Variants in DNAH14 observed in about 807,000 individuals in gnomAD.
DNAH14 encodes dynein axonemal heavy chain 14, also known as axonemal beta dynein heavy chain 14.
DNAH14 carries 478 observed loss-of-function variants against 520.9 expected under a neutral mutation model. The ratio of observed to expected loss-of-function variants is 0.92; its 90% CI spans 0.85 to 0.99. The LOEUF is 0.99. Ranked by LOEUF, DNAH14 falls within the 50% of genes least tolerant of loss-of-function variation. The pLI is 0.00. For missense variants in DNAH14, 4,831 were observed against 5,234.5 expected (o/e 0.92, Z 2.38); for synonymous variants, 1,581 against 1,757.2 (o/e 0.90, Z 2.51).
intron 17 of DNAH14, among the ~76,000 whole-genome samples, chr1:225,052,975 T>G (rs571514167): frequency 9.2e-5 from 14 of 152,194 alleles, no homozygotes; most frequent in Non-Finnish European, 1.9e-4. Context: ...GCTCATGCAC[T>G]GGTTATCATA....
chr1:225,051,765 A>C lies in DNAH14; in HGVS notation c.2394A>C (p.Val798=), dbSNP rs1258920155. The change falls in exon 17 of 86, where the codon GTA becomes GTC. Residue 798 remains valine (V), a synonymous_variant. Transcript: ENST00000682510. ...IHMSHTLIQS[V]IEKKNKNLLE... ...TGAGCCACACCCTCATACAATCTGT[A>C]ATTGAAAAAAAGAACAAAAATTTAT... 65 of 1,501,374 alleles carry C rather than the reference A, an allele frequency of 4.3e-5. No homozygotes were observed. Among genetic ancestry groups the C allele is most frequent in the Non-Finnish European group, 5.7e-5 (64 of 1,125,242 alleles). The allele number at this position is 1,501,374 out of a possible 1,614,324, so 93.0% of individuals were successfully genotyped here. A position where few individuals can be genotyped will look rare whatever the true frequency, so the allele number is the denominator to read the frequency against.
Position 225,030,704 on chromosome 1 carries a change from C to A in DNAH14, c.1358+6839C>A, listed in dbSNP as rs116188076. On this transcript the variant is annotated intron_variant, in intron 11 of 85. Transcript: ENST00000682510. ...ATTAAATATATTCATGAGTCTATTT[C>A]TGAATGCTTTTTTCTAGTCCAGTGA... 4.7e-3 allele frequency among the ~76,000 whole-genome samples: 715 copies of A among 152,000 alleles called. 3 individuals carry two copies. Among genetic ancestry groups the A allele is most frequent in the African/African-American group, 0.016 (671 of 41,514 alleles).
In DNAH14 at chr1:225,016,673, C is replaced by G. The variant is rs368860513; in HGVS notation, c.1108-6942C>G. On this transcript the variant is annotated intron_variant, in intron 10 of 85. Transcript: ENST00000682510. Reference sequence around the variant, plus strand: ...CTTCTCTTTCTGCAACAACCATAATCTGAATATTTGTCACTTAATGGTGTT... The same window carrying G: ...CTTCTCTTTCTGCAACAACCATAATGTGAATATTTGTCACTTAATGGTGTT... 7.8e-4 allele frequency among the ~76,000 whole-genome samples: 118 copies of G among 152,166 alleles called. No individual in the cohort carries two copies. In the South Asian group the frequency reaches 9.3e-3, roughly 12 times the overall value.
chr1:225,353,655 A>G, intron 72 of DNAH14, 148 bp from the exon 73 acceptor site: 1 of 588,074 alleles, frequency 1.7e-6, no homozygotes, highest in South Asian at 2.0e-5. Context: ...CTCAAAGCTT[A>G]TAGAAATAAA....
Position 225,303,168 on chromosome 1 carries a change from A to G in DNAH14, c.8644A>G (p.Asn2882Asp), listed in dbSNP as rs1331368677. 6.7e-7 allele frequency: 1 copy of G among 1,486,096 alleles called. No homozygotes were observed. Among genetic ancestry groups the G allele is most frequent in the Admixed American group, 2.7e-5 (1 of 37,460 alleles). The allele number at this position is 1,486,096 out of a possible 1,614,324, so 92.1% of individuals were successfully genotyped here. Reference protein sequence around the residue: ...LSFFQKRIYKNLHIFVIMSPE... With the variant: ...LSFFQKRIYKDLHIFVIMSPE... The stretch of plus-strand genomic sequence containing the variant: ...CATTAATTTTCAGAGAATATATAAA[A>G]ATCTTCATATTTTTGTGATCATGAG... The change falls in exon 57 of 86, where the codon AAT becomes GAT. Residue 2882 changes from asparagine to aspartate, a missense_variant. By Grantham distance (23) the Asn-to-Asp change is conservative. Coordinates refer to ENST00000682510, the MANE Select transcript of DNAH14 (RefSeq NM_001367479.1).
chr1:225,061,215 AG>A (rs2070039782), intron 17 of DNAH14, among the ~76,000 whole-genome samples: 1 of 152,150 alleles, frequency 6.6e-6, no homozygotes, highest in Non-Finnish European at 1.5e-5. Flanking sequence ...CGGCAATGGC[AG>A]GTGCCCCTCC....
chr1:225,176,236 A>T (rs983243859), intron 36 of DNAH14, among the ~76,000 whole-genome samples: 1 of 151,962 alleles, frequency 6.6e-6, no homozygotes, highest in African/African-American at 2.4e-5. Context: ...ACATTGTTTA[A>T]TTTCCACATA....
At chr1:225,172,956 A>T (rs765832268) in intron 36 of DNAH14, among the ~76,000 whole-genome samples, 1 of 152,238 alleles carries the variant, frequency 6.6e-6, no homozygotes, top group African/African-American at 2.4e-5. Context: ...ATGATGCCAC[A>T]TATGTCCAAC....
rs554487697 is a variant in DNAH14 at position 225,349,556 on chromosome 1, G to A, written c.11297-2091G>A. On this transcript the variant is annotated intron_variant, in intron 71 of 85. Coordinates refer to ENST00000682510, the MANE Select transcript of DNAH14 (RefSeq NM_001367479.1). The stretch of plus-strand genomic sequence containing the variant: ...AGTATCCAACTATATGCTGTCTACA[G>A]GAGACTCACATCTAAAGAAACATAT... 3.4e-4 allele frequency among the ~76,000 whole-genome samples: 52 copies of A among 152,250 alleles called. No homozygotes were observed. The South Asian group carries it at 0.011, about 31-fold the overall frequency.
At chr1:224,939,570 G>C (rs2059270969) in intron 1 of DNAH14, among the ~76,000 whole-genome samples, 2 of 152,082 alleles carry the variant, frequency 1.3e-5, no homozygotes, top group African/African-American at 4.8e-5. Context: ...TGTTGTCCCA[G>C]CTACTCAGGA....
chr1:224,937,549 G>A (rs2059121074), intron 1 of DNAH14, among the ~76,000 whole-genome samples: 1 of 151,834 alleles, frequency 6.6e-6, no homozygotes, highest in African/African-American at 2.4e-5. Flanking sequence ...GAAAGTAATT[G>A]AAGAGGACAC....
chr1:225,086,689 ACTTTATT>A (rs1345505784), intron 21 of DNAH14, among the ~76,000 whole-genome samples: 1 of 152,132 alleles, frequency 6.6e-6, no homozygotes, highest in Admixed American at 6.5e-5. Context: ...AACCAAATGG[ACTTTATT>A]CTTTAATCAC....
intron 49 of DNAH14, among the ~76,000 whole-genome samples, chr1:225,269,778 A>G (rs1433707237): frequency 6.6e-6 from 1 of 152,212 alleles, no homozygotes; most frequent in Non-Finnish European, 1.5e-5. Context: ...AGGAGATACC[A>G]TCTCACACCA....
At chr1:225,174,117 T>G (rs61851476) in intron 36 of DNAH14, among the ~76,000 whole-genome samples, 23,388 of 151,476 alleles carry the variant, frequency 0.15, 2,118 homozygotes, top group East Asian at 0.36. Flanking sequence ...GTTGTGGGGT[T>G]GGGGGAGAGG....
intron 41 of DNAH14, among the ~76,000 whole-genome samples, chr1:225,227,590 C>T (rs2090663545): frequency 6.6e-6 from 1 of 152,142 alleles, no homozygotes; most frequent in East Asian, 1.9e-4. Flanking sequence ...CTTTCCCCCA[C>T]ACATTTGCAG....
At chr1:224,947,258 T>A (rs907236487) in intron 1 of DNAH14, among the ~76,000 whole-genome samples, 1 of 152,172 alleles carries the variant, frequency 6.6e-6, no homozygotes, top group Non-Finnish European at 1.5e-5. Flanking sequence ...TCCATAATGT[T>A]ATCTGTAAAT....
chr1:225,061,455 C>A (rs140582821), intron 17 of DNAH14, among the ~76,000 whole-genome samples: 335 of 152,332 alleles, frequency 2.2e-3, no homozygotes, highest in African/African-American at 7.4e-3. Flanking sequence ...TGACCCCTTG[C>A]GCTTCCTGGG....
intron 26 of DNAH14, among the ~76,000 whole-genome samples, chr1:225,119,560 C>T (rs567902981): frequency 1.8e-4 from 28 of 152,190 alleles, no homozygotes; most frequent in South Asian, 4.2e-4. Context: ...CTTTTGTGTA[C>T]GTTGAGATTC....
At chr1:225,335,810 TATATGTACATACAC>T (rs945084563) in intron 66 of DNAH14, among the ~76,000 whole-genome samples, 1 of 108,436 alleles carries the variant, frequency 9.2e-6, no homozygotes, top group Non-Finnish European at 1.9e-5. Flanking sequence ...TATATGTACA[TATATGTACATACAC>T]ATATGTACAT....
Sources: allele counts gnomAD v4.1 joint callset (sites outside exome capture counted in the v4.1 genomes callset), GRCh38; gene constraint gnomAD v4.1.1; transcripts MANE v1.5; gene names NCBI Gene and HGNC (gene_info 2026-07-23, HGNC 2026-07-21).